The following NRXN3 variants were observed in gnomAD, a reference collection of about 807,000 sequenced individuals.
The protein encoded by NRXN3 is neurexin III.
A neutral mutation model predicts 137.6 loss-of-function variants in NRXN3; 32 were observed. The ratio of observed to expected loss-of-function variants is 0.23; its 90% confidence interval spans 0.18 to 0.31. The LOEUF (loss-of-function observed/expected upper bound fraction) is 0.31, where lower values mean the gene tolerates loss of function less well. Ranked by LOEUF, NRXN3 falls within the 10% of genes least tolerant of loss-of-function variation. The pLI is 1.00. For missense variants in NRXN3, 1,574 were observed against 2,062.5 expected (o/e 0.76, Z 4.59); for synonymous variants, 798 against 784.5 (o/e 1.02, Z -0.29).
chr14:78,528,032 G>T (rs1395138735), intron 4 of NRXN3, among the ~76,000 whole-genome samples: 2 of 152,176 alleles, frequency 1.3e-5, no homozygotes, highest in African/African-American at 2.4e-5. Flanking sequence ...AATTTAATTA[G>T]AACTGCCCTG....
chr14:79,514,329 C>T (rs1214578040), intron 16 of NRXN3, among the ~76,000 whole-genome samples: 2 of 152,062 alleles, frequency 1.3e-5, no homozygotes. Context: ...TCAAGCCTCT[C>T]TCTAAAAGAT....
At chr14:78,231,915 A>G (rs1407056595) in intron 1 of NRXN3, among the ~76,000 whole-genome samples, 2 of 152,118 alleles carry the variant, frequency 1.3e-5, no homozygotes, top group Non-Finnish European at 2.9e-5. Flanking sequence ...AAAAGGACCA[A>G]ATTGTCATGG....
At chr14:79,538,085 G>A (rs1228032086) in intron 16 of NRXN3, among the ~76,000 whole-genome samples, 1 of 152,178 alleles carries the variant, frequency 6.6e-6, no homozygotes, top group Non-Finnish European at 1.5e-5. Context: ...CTGCATAAAT[G>A]TCTTCTTTTG....
rs369103140 is a variant in NRXN3 at position 79,362,221 on chromosome 14, A to G, written c.3263-105000A>G. On this transcript the variant is annotated intron_variant, in intron 15 of 20. Coordinates refer to ENST00000335750, the MANE Select transcript of NRXN3 (RefSeq NM_001330195.2). Reference sequence around the variant, plus strand: ...ACGTGCAGGATTGTTACATATGTATACCTGTGCCATGTTGGTGTGCTGCAC... The same window carrying G: ...ACGTGCAGGATTGTTACATATGTATGCCTGTGCCATGTTGGTGTGCTGCAC... Among the ~76,000 whole-genome samples the G allele has an allele frequency of 7.1e-4, 108 of 151,938 alleles. 1 individual carries two copies. The South Asian group carries it at 0.017, about 23-fold the overall frequency.
At chr14:78,822,640 A>G (rs1483644298) in intron 10 of NRXN3, among the ~76,000 whole-genome samples, 1 of 151,524 alleles carries the variant, frequency 6.6e-6, no homozygotes, top group African/African-American at 2.4e-5. Context: ...GTGCCACTGG[A>G]CTCCAGCCTG....
intron 10 of NRXN3, among the ~76,000 whole-genome samples, chr14:78,894,910 C>G (rs569060040): frequency 6.7e-6 from 1 of 149,712 alleles, no homozygotes; most frequent in Non-Finnish European, 1.5e-5. Flanking sequence ...TTTTTTTTTC[C>G]TTAGCAGTAG....
At chr14:78,422,826 C>T (rs1399894977) in intron 4 of NRXN3, among the ~76,000 whole-genome samples, 6 of 152,210 alleles carry the variant, frequency 3.9e-5, no homozygotes, top group South Asian at 2.1e-4. Context: ...GGCTATGAAA[C>T]GCCAGTGCAT....
At chr14:78,457,957 C>T (rs1398618805) in intron 4 of NRXN3, among the ~76,000 whole-genome samples, 6 of 152,160 alleles carry the variant, frequency 3.9e-5, no homozygotes, top group African/African-American at 1.4e-4. Flanking sequence ...AAGCAGGAGA[C>T]ACCCCCCGCT....
intron 4 of NRXN3, among the ~76,000 whole-genome samples, chr14:78,324,939 C>T (rs1236693709): frequency 6.6e-6 from 1 of 151,722 alleles, no homozygotes; most frequent in African/African-American, 2.4e-5. Flanking sequence ...CAACTAAACT[C>T]CTGGTACTGA....
At chr14:78,537,970 T>C (rs756218970) in intron 4 of NRXN3, among the ~76,000 whole-genome samples, 2 of 152,238 alleles carry the variant, frequency 1.3e-5, no homozygotes, top group Non-Finnish European at 2.9e-5. Context: ...TTGGTCTGTA[T>C]ATCTGTTTTG....
intron 1 of NRXN3, among the ~76,000 whole-genome samples, chr14:78,179,835 TTTTTTTG>T (rs1452175110): frequency 6.6e-5 from 8 of 120,858 alleles, no homozygotes; most frequent in South Asian, 4.9e-4. Flanking sequence ...TTTGTTTCTG[TTTTTTTG>T]TTTTTTTTTT....
intron 15 of NRXN3, among the ~76,000 whole-genome samples, chr14:79,359,401 G>C: frequency 6.6e-6 from 1 of 152,076 alleles, no homozygotes; most frequent in South Asian, 2.1e-4. Context: ...TAGATGCAAC[G>C]CATTTTAGAG....
intron 4 of NRXN3, among the ~76,000 whole-genome samples, chr14:78,514,145 C>T (rs1461927448): frequency 6.6e-6 from 1 of 152,042 alleles, no homozygotes; most frequent in Non-Finnish European, 1.5e-5. Flanking sequence ...ACCAAGTGTC[C>T]AGGGTCTCCA....
chr14:79,188,396 A>ATTTT (rs368149497), intron 15 of NRXN3, among the ~76,000 whole-genome samples: 1 of 147,258 alleles, frequency 6.8e-6, no homozygotes, highest in Non-Finnish European at 1.5e-5. Flanking sequence ...TACAATACAT[A>ATTTT]TTTTTTTTTT....
intron 15 of NRXN3, among the ~76,000 whole-genome samples, chr14:79,146,849 G>C (rs1479961656): frequency 6.6e-6 from 1 of 152,126 alleles, no homozygotes; most frequent in Non-Finnish European, 1.5e-5. Context: ...TATGAACTCT[G>C]GGGGAGGTTC....
At chr14:79,059,187 A>G (rs2099670597) in intron 15 of NRXN3, among the ~76,000 whole-genome samples, 1 of 150,094 alleles carries the variant, frequency 6.7e-6, no homozygotes, top group Admixed American at 6.6e-5. Flanking sequence ...TCTCCTTATC[A>G]CCAGCAGATC....
intron 15 of NRXN3, among the ~76,000 whole-genome samples, chr14:79,252,331 A>G (rs756061921): frequency 1.3e-5 from 2 of 152,136 alleles, no homozygotes; most frequent in Admixed American, 6.5e-5. Flanking sequence ...TTACAACTGG[A>G]ATCTATTTAC....
chr14:78,248,102 A>T (rs1344134212), intron 2 of NRXN3, among the ~76,000 whole-genome samples: 1 of 152,188 alleles, frequency 6.6e-6, no homozygotes, highest in Non-Finnish European at 1.5e-5. Context: ...GAAAAAGTTG[A>T]TTACTTGTCT....
At chr14:79,625,884 C>T (rs1419201039) in intron 16 of NRXN3, among the ~76,000 whole-genome samples, 1 of 152,266 alleles carries the variant, frequency 6.6e-6, no homozygotes, top group East Asian at 1.9e-4. Context: ...GCAACTGAGC[C>T]TCTTTCACCC....
Sources: gnomAD v4.1 joint callset for allele counts (sites outside exome capture counted in the v4.1 genomes callset) on GRCh38, gnomAD v4.1.1 for gene constraint, MANE v1.5 for transcripts, NCBI Gene and HGNC (gene_info 2026-07-23, HGNC 2026-07-21) for gene names.